Variants in ABAT observed in about 807,000 individuals in gnomAD.
The protein encoded by ABAT is 4-aminobutyrate aminotransferase.
In ABAT, 45 loss-of-function variants were observed where a neutral mutation model predicts 64.6. That is an observed-to-expected ratio of 0.70 (90% CI 0.55 to 0.89). ABAT has a LOEUF of 0.89. Among genes scored for constraint, ABAT ranks in the 40% least tolerant of loss-of-function variants. The pLI, the probability that ABAT is intolerant of heterozygous loss-of-function variation, is 0.00. For missense variants in ABAT, 633 were observed against 658.4 expected, an observed-to-expected ratio of 0.96 and a Z score of 0.42; for synonymous variants, 297 against 250.5, an observed-to-expected ratio of 1.19 and a Z score of -1.75.
rs1427854983 is a variant in ABAT, at chr16:8,768,270, A to G, written c.667+14A>G. The G allele has an allele frequency of 2.5e-6, 4 of 1,613,454 alleles. No homozygotes were observed. The highest frequency in any genetic ancestry group is 3.4e-6 in the Non-Finnish European group (4 of 1,179,818). The stretch of plus-strand genomic sequence containing the variant: ...GGAGGACCATGGGTAAGGAGGGACC[A>G]TTGCGCTCCCAAGGTGGCGTTTAGA... On this transcript the variant is annotated intron_variant, in intron 10 of 15. Transcript: ENST00000268251.
In ABAT at chr16:8,767,887, G is replaced by A. The variant is rs935587355; in HGVS notation, c.604-306G>A. ...GACGGGGTTTCACCATGTTGGCCAG[G>A]CTGATCCCAAACTCCTGACCTCCGA... On this transcript the variant is annotated intron_variant, in intron 9 of 15. Coordinates refer to ENST00000268251, the MANE Select transcript of ABAT (RefSeq NM_020686.6). Among the ~76,000 whole-genome samples, 8 of 152,074 alleles carry A rather than the reference G, an allele frequency of 5.3e-5. No individual in the cohort carries two copies. In the East Asian group the frequency reaches 1.5e-3, roughly 29 times the overall value.
chr16:8,769,063 G>T (rs1277906366), intron 11 of ABAT, 90 bp downstream of exon 11: 1 of 1,554,266 alleles, frequency 6.4e-7, no homozygotes, highest in Non-Finnish European at 8.8e-7. Context: ...ACAGATGAAG[G>T]GTTTATCTGG....
chr16:8,750,966 C>G (rs1287260069), intron 5 of ABAT, among the ~76,000 whole-genome samples: 1 of 53,652 alleles, frequency 1.9e-5, no homozygotes, highest in African/African-American at 8.6e-5. Flanking sequence ...TTTTTTTTTT[C>G]CAGACGAAGT....
intron 1 of ABAT, among the ~76,000 whole-genome samples, chr16:8,691,455 T>C (rs1392303526): frequency 2.0e-5 from 3 of 152,072 alleles, no homozygotes; most frequent in Non-Finnish European, 4.4e-5. Context: ...TTTTTTTTTT[T>C]CCAAGACAGA....
chr16:8,702,373 C>T (rs2057843494), intron 1 of ABAT, among the ~76,000 whole-genome samples: 1 of 152,170 alleles, frequency 6.6e-6, no homozygotes, highest in South Asian at 2.1e-4. Context: ...CTGCCTCAGC[C>T]TCCCAAGTAG....
At position 8,764,116 on chromosome 16, in the gene ABAT, C is replaced by G; in HGVS notation, c.414C>G (p.Asn138Lys). 1 of 1,613,542 alleles carries G rather than the reference C, an allele frequency of 6.2e-7. No individual in the cohort carries two copies. Reference protein sequence around the residue: ...RPALGILPPENFVEKLRQSLL... With the variant: ...RPALGILPPEKFVEKLRQSLL... ...CCCTCGGAATCCTGCCTCCGGAGAA[C>G]TTTGTGGAGAAGCTCCGGCAGTCCT... The change falls in exon 7 of 16, where the codon AAC (asparagine) becomes AAG (lysine). Residue 138 changes from asparagine (N) to lysine (K), a missense_variant. Transcript: ENST00000268251. The surrounding 1 kb of genome is among the most constrained non-coding windows in gnomAD (Gnocchi z 4.2).
Position 8,783,808 on chromosome 16 carries a change from T to C in ABAT, c.*2378T>C, listed in dbSNP as rs1337420927. On this transcript the variant is annotated 3_prime_UTR_variant, in exon 16 of 16. Coordinates refer to ENST00000268251, the MANE Select transcript of ABAT (RefSeq NM_020686.6). ...TAGGGAGAGGGGCTCCAATATTTCG[T>C]TCTCTCCCCATGGGGCACTGACAGA... 2 of 152,196 alleles carry C rather than the reference T, an allele frequency of 1.3e-5. No homozygotes were observed. Among genetic ancestry groups the C allele is most frequent in the Non-Finnish European group, 2.9e-5 (2 of 68,036 alleles). The allele number at this position is 152,196 out of a possible 1,614,324, so 9.4% of individuals were successfully genotyped here.
chr16:8,769,070 C>G (rs1399148788), intron 11 of ABAT, 97 bp downstream of exon 11: 3 of 1,550,756 alleles, frequency 1.9e-6, no homozygotes, highest in Non-Finnish European at 2.7e-6. Flanking sequence ...AAGGGTTTAT[C>G]TGGGGATCTG....
chr16:8,774,800 C>T (rs1027426129), intron 12 of ABAT, 90 bp from the exon 13 acceptor site: 5 of 1,517,042 alleles, frequency 3.3e-6, no homozygotes, highest in Non-Finnish European at 3.6e-6. Context: ...TGTGTGGACC[C>T]AGGGTTTGGC....
At chr16:8,751,091 G>C (rs989812053) in intron 5 of ABAT, among the ~76,000 whole-genome samples, 1 of 151,898 alleles carries the variant, frequency 6.6e-6, no homozygotes, top group Non-Finnish European at 1.5e-5. Flanking sequence ...TGGGATTACA[G>C]GCACACGCCA....
chr16:8,777,482 G>C (rs1041705116), intron 14 of ABAT, among the ~76,000 whole-genome samples: 2 of 152,274 alleles, frequency 1.3e-5, no homozygotes, highest in South Asian at 2.1e-4. Context: ...CCCCCTTCTT[G>C]TCTTTAGCAG....
intron 1 of ABAT, among the ~76,000 whole-genome samples, chr16:8,675,648 C>T (rs2057181400): frequency 6.6e-6 from 1 of 152,160 alleles, no homozygotes; most frequent in African/African-American, 2.4e-5. Context: ...TTTAGTAAGA[C>T]TGGAGCTCTT....
At chr16:8,770,024 C>G (rs1305374651) in intron 11 of ABAT, among the ~76,000 whole-genome samples, 1 of 152,130 alleles carries the variant, frequency 6.6e-6, no homozygotes, top group Non-Finnish European at 1.5e-5. Flanking sequence ...ACAGCACTGT[C>G]CAATAGAAAT....
At chr16:8,728,800 G>T (rs999549331) in intron 1 of ABAT, among the ~76,000 whole-genome samples, 1 of 152,084 alleles carries the variant, frequency 6.6e-6, no homozygotes, top group African/African-American at 2.4e-5. Context: ...CTTGAACCAG[G>T]GAGTCAGAGG....
chr16:8,737,653 TG>T (rs1567295307), intron 2 of ABAT, among the ~76,000 whole-genome samples: 2 of 151,396 alleles, frequency 1.3e-5, no homozygotes, highest in African/African-American at 4.9e-5. Flanking sequence ...CCAGGCGCGG[TG>T]GCTCACGCCT....
chr16:8,775,412 T>G (rs1006139828), intron 13 of ABAT, among the ~76,000 whole-genome samples: 1 of 152,246 alleles, frequency 6.6e-6, no homozygotes, highest in Admixed American at 6.5e-5. Flanking sequence ...GCTGTTATTT[T>G]TATCCTCATT....
chr16:8,717,205 G>T (rs573955232), intron 1 of ABAT, among the ~76,000 whole-genome samples: 1 of 152,084 alleles, frequency 6.6e-6, no homozygotes, highest in African/African-American at 2.4e-5. Flanking sequence ...CAGGAGAATC[G>T]CTTGAACCTG....
At chr16:8,743,294 G>A (rs1448908952) in intron 2 of ABAT, among the ~76,000 whole-genome samples, 3 of 133,952 alleles carry the variant, frequency 2.2e-5, no homozygotes, top group South Asian at 4.7e-4. Context: ...TGTATAGTTC[G>A]ACAAGCTATC....
intron 1 of ABAT, among the ~76,000 whole-genome samples, chr16:8,733,332 C>T (rs1188981468): frequency 6.6e-6 from 1 of 151,322 alleles, no homozygotes; most frequent in East Asian, 1.9e-4. Context: ...GGCGGAGACG[C>T]TCCTCACTTT....
Sources: allele counts gnomAD v4.1 joint callset (sites outside exome capture counted in the v4.1 genomes callset), GRCh38; gene constraint gnomAD v4.1.1; non-coding constraint Gnocchi (gnomAD v3.1); transcripts MANE v1.5; gene names NCBI Gene and HGNC (gene_info 2026-07-23, HGNC 2026-07-21).